OR1J2: variants seen among roughly 807,000 people sequenced by gnomAD.
OR1J2 encodes the protein olfactory receptor 1J2.
For synonymous variants in OR1J2, 142 were observed against 99.7 expected (o/e 1.42, Z -2.52); for missense variants, 304 against 246.1 (o/e 1.24, Z -1.57).
At chr9:122,541,176 TAA>T in the OR1J2 span, among the ~76,000 whole-genome samples, 1 of 152,214 alleles carries the variant, frequency 6.6e-6, no homozygotes, top group African/African-American at 2.4e-5. Flanking sequence ...TCATGTTAAA[TAA>T]AGTCTTCCTT....
chr9:122,504,391 T>C, the OR1J2 span, among the ~76,000 whole-genome samples: 1 of 152,232 alleles, frequency 6.6e-6, no homozygotes, highest in Non-Finnish European at 1.5e-5. Flanking sequence ...CTTGTACCAC[T>C]GTCTGAACCA....
chr9:122,556,266 T>C, the OR1J2 span, among the ~76,000 whole-genome samples: 4 of 149,078 alleles, frequency 2.7e-5, no homozygotes, highest in African/African-American at 7.4e-5. Flanking sequence ...AAAGGTGTAA[T>C]GTCTGTGTCT....
At chr9:122,462,374 C>T in the OR1J2 span, among the ~76,000 whole-genome samples, 24 of 152,110 alleles carry the variant, frequency 1.6e-4, no homozygotes, top group Non-Finnish European at 3.2e-4. Flanking sequence ...TCCGTTCTGC[C>T]ATTCTGTATC....
the OR1J2 span, among the ~76,000 whole-genome samples, chr9:122,569,104 C>T: frequency 1.3e-5 from 2 of 152,028 alleles, no homozygotes; most frequent in Admixed American, 6.6e-5. Flanking sequence ...AAATCTAAGA[C>T]GACTGTTGAA....
At chr9:122,554,174 G>T in the OR1J2 span, 1 of 1,587,230 alleles carries the variant, frequency 6.3e-7, no homozygotes, top group South Asian at 1.1e-5. Context: ...TAGACATCTA[G>T]ACGGTGATGT....
the OR1J2 span, chr9:122,526,805 C>T: frequency 6.8e-6 from 11 of 1,614,118 alleles, no homozygotes; most frequent in Non-Finnish European, 9.3e-6. Context: ...AGAAGGACAA[C>T]CGAGCCATGA....
the OR1J2 span, chr9:122,519,101 TCAA>T: frequency 1.4e-6 from 2 of 1,411,618 alleles, no homozygotes; most frequent in Admixed American, 4.0e-5. Flanking sequence ...TCTGCCTTTT[TCAA>T]TGTCCCTCTA....
chr9:122,553,726 G>C, the OR1J2 span: 1 of 1,613,400 alleles, frequency 6.2e-7, no homozygotes, highest in Non-Finnish European at 8.5e-7. Context: ...GTGGCTTTCT[G>C]TGCCCAGAAA....
chr9:122,477,259 A>C, the OR1J2 span: 1 of 1,614,048 alleles, frequency 6.2e-7, no homozygotes, highest in Non-Finnish European at 8.5e-7. Flanking sequence ...GAGGATGGTG[A>C]CCCCAATGTG....
At chr9:122,479,544 A>C in the OR1J2 span, among the ~76,000 whole-genome samples, 1 of 152,230 alleles carries the variant, frequency 6.6e-6, no homozygotes, top group African/African-American at 2.4e-5. Flanking sequence ...CACTTTTAAA[A>C]CATTTAATAG....
chr9:122,539,969 T>TG, the OR1J2 span, among the ~76,000 whole-genome samples: 1 of 151,948 alleles, frequency 6.6e-6, no homozygotes, highest in Non-Finnish European at 1.5e-5. Flanking sequence ...GTTGTTTGTT[T>TG]TTTTCTTGTA....
the OR1J2 span, among the ~76,000 whole-genome samples, chr9:122,481,691 A>G: frequency 2.0e-5 from 3 of 151,610 alleles, no homozygotes; most frequent in African/African-American, 7.3e-5. Flanking sequence ...ATATACATGA[A>G]GACACCATGA....
chr9:122,486,457 T>G, the OR1J2 span, among the ~76,000 whole-genome samples: 21 of 152,212 alleles, frequency 1.4e-4, no homozygotes, highest in Non-Finnish European at 2.9e-4. Flanking sequence ...ATTTGCTGCC[T>G]GAGAGCACTC....
the OR1J2 span, among the ~76,000 whole-genome samples, chr9:122,537,191 C>G: frequency 6.6e-6 from 1 of 152,228 alleles, no homozygotes; most frequent in African/African-American, 2.4e-5. Context: ...TTTAAGCAAT[C>G]AGGTGGTACG....
At chr9:122,502,486 C>A in the OR1J2 span, among the ~76,000 whole-genome samples, 1 of 152,154 alleles carries the variant, frequency 6.6e-6, no homozygotes. Context: ...ATCACGCAGA[C>A]CTTCATCTCT....
At chr9:122,460,044 G>A in the OR1J2 span, among the ~76,000 whole-genome samples, 5 of 152,096 alleles carry the variant, frequency 3.3e-5, no homozygotes, top group Non-Finnish European at 7.4e-5. Flanking sequence ...AACATACGAT[G>A]TTTGGTTTTC....
At chr9:122,569,659 C>CATTTT in the OR1J2 span, among the ~76,000 whole-genome samples, 488 of 150,482 alleles carry the variant, frequency 3.2e-3, no homozygotes, top group African/African-American at 0.011. Flanking sequence ...GAAACAACTT[C>CATTTT]ATTTTATTTT....
At chr9:122,553,891 CTG>C in the OR1J2 span, 7 of 1,614,096 alleles carry the variant, frequency 4.3e-6, no homozygotes, top group Non-Finnish European at 1.7e-6. Context: ...ATTTTCTGGG[CTG>C]TGTTTGTCAT....
At chr9:122,456,489 C>T in the OR1J2 span, among the ~76,000 whole-genome samples, 1 of 152,038 alleles carries the variant, frequency 6.6e-6, no homozygotes, top group Non-Finnish European at 1.5e-5. Flanking sequence ...ATTTTCTTTT[C>T]TTTTCTTTTT....
Sources: allele counts gnomAD v4.1 joint callset (sites outside exome capture counted in the v4.1 genomes callset), GRCh38; gene constraint gnomAD v4.1.1; transcripts MANE v1.5; gene names NCBI Gene and HGNC (gene_info 2026-07-23, HGNC 2026-07-21).